GSR: variants seen among roughly 807,000 people sequenced by gnomAD.
GSR encodes the protein glutathione-disulfide reductase.
A neutral mutation model predicts 56.5 loss-of-function variants in GSR; 48 were observed. The ratio of observed to expected loss-of-function variants is 0.85; its 90% CI spans 0.67 to 1.08. The LOEUF (loss-of-function observed/expected upper bound fraction) is 1.08. Among genes scored for constraint, GSR ranks in the 50% least tolerant of loss-of-function variants. The probability of loss-of-function intolerance (pLI) is 0.00; values close to 1 mark genes in which losing one functional copy is unlikely to be tolerated. For missense variants in GSR, 694 were observed against 703.3 expected, an observed-to-expected ratio of 0.99 and a Z score of 0.15; for synonymous variants, 264 against 270.8, an observed-to-expected ratio of 0.97 and a Z score of 0.25.
In GSR at chr8:30,678,709, C is replaced by T. The variant is rs1294342198; in HGVS notation, c.*811G>A. On this transcript the variant is annotated 3_prime_UTR_variant, in exon 13 of 13. Coordinates refer to ENST00000221130, the MANE Select transcript of GSR (RefSeq NM_000637.5). ...AAAAGAAAAAAGAAAATAAGGCAGG[C>T]CGGCTTCTCACATTACATGCTTTTA... 33 of 152,070 alleles carry T rather than the reference C, an allele frequency of 2.2e-4. No individual in the cohort carries two copies. Among genetic ancestry groups the T allele is most frequent in the Admixed American group, 2.2e-3 (33 of 15,232 alleles). 9.4% of individuals were successfully genotyped at this position (152,070 alleles called of 1,614,324 possible).
intron 1 of GSR, among the ~76,000 whole-genome samples, chr8:30,719,926 T>G (rs1804471248): frequency 6.6e-6 from 1 of 152,146 alleles, no homozygotes; most frequent in Admixed American, 6.6e-5. Flanking sequence ...AATAGTGAAC[T>G]TGCGGCTGGG....
At chr8:30,689,015 T>C in intron 9 of GSR, 146 bp downstream of exon 9, 1 of 693,566 alleles carries the variant, frequency 1.4e-6, no homozygotes, top group Non-Finnish European at 2.6e-6. Context: ...GAAGAAGCAA[T>C]GAAATTTGAT....
intron 6 of GSR, among the ~76,000 whole-genome samples, chr8:30,696,724 G>A: frequency 6.6e-6 from 1 of 151,936 alleles, no homozygotes; most frequent in Non-Finnish European, 1.5e-5. Flanking sequence ...TTTTGAGACA[G>A]GGTCTCTGTC....
At chr8:30,714,927 G>A (rs972427573) in intron 1 of GSR, among the ~76,000 whole-genome samples, 1 of 152,096 alleles carries the variant, frequency 6.6e-6, no homozygotes, top group Non-Finnish European at 1.5e-5. Flanking sequence ...CACTATTCCT[G>A]CCAGCACTGC....
At chr8:30,725,470 G>A (rs1411194196) in intron 1 of GSR, among the ~76,000 whole-genome samples, 1 of 151,922 alleles carries the variant, frequency 6.6e-6, no homozygotes, top group Non-Finnish European at 1.5e-5. Flanking sequence ...CGAGGCAGGA[G>A]AGTTGCTTGA....
intron 1 of GSR, among the ~76,000 whole-genome samples, chr8:30,725,661 T>TA (rs2128750092): frequency 6.6e-6 from 1 of 151,918 alleles, no homozygotes; most frequent in East Asian, 1.9e-4. Flanking sequence ...GTGGGTGGAT[T>TA]ACCAGAGGTC....
intron 6 of GSR, among the ~76,000 whole-genome samples, chr8:30,697,187 G>C (rs961443889): frequency 2.0e-5 from 3 of 152,074 alleles, no homozygotes; most frequent in East Asian, 3.9e-4. Flanking sequence ...AGGCTGAGGT[G>C]GGTGGATCAC....
At chr8:30,708,547 T>C (rs1486244196) in intron 3 of GSR, among the ~76,000 whole-genome samples, 1 of 152,126 alleles carries the variant, frequency 6.6e-6, no homozygotes, top group African/African-American at 2.4e-5. Flanking sequence ...AACACAAAAC[T>C]ACCATACGAT....
rs2128743440 is a variant in GSR, at chr8:30,700,255, GT to G, written c.641-121del. ...GCCAACATAGTCTCCGTTTTGACAA[GT>G]TTTGTTAAAGTCTCTGCTTGGAAAG... On this transcript the variant is annotated intron_variant, in intron 5 of 12. Transcript: ENST00000221130. 5.1e-6 allele frequency: 4 copies of G among 782,378 alleles called. No homozygotes were observed. In the Admixed American group the frequency reaches 7.7e-5, roughly 15 times the overall value. 48.5% of individuals were successfully genotyped at this position (782,378 alleles called of 1,614,324 possible).
chr8:30,679,811 T>C, intron 12 of GSR, 142 bp from the exon 13 acceptor site: 1 of 729,432 alleles, frequency 1.4e-6, no homozygotes, highest in Non-Finnish European at 2.3e-6. Flanking sequence ...GTTCAAGTGA[T>C]TCTCCTGCCT....
intron 1 of GSR, among the ~76,000 whole-genome samples, chr8:30,721,294 T>A (rs1356332515): frequency 1.3e-5 from 2 of 152,218 alleles, no homozygotes; most frequent in African/African-American, 4.8e-5. Context: ...GCAGTAATAT[T>A]TAATGTTGCA....
At chr8:30,699,238 C>T (rs1271949070) in intron 6 of GSR, among the ~76,000 whole-genome samples, 1 of 151,962 alleles carries the variant, frequency 6.6e-6, no homozygotes, top group African/African-American at 2.4e-5. Flanking sequence ...CTACCACAAG[C>T]CATGATGGCA....
At position 30,727,672 on chromosome 8, in the gene GSR, G is replaced by T. The variant is rs1254352177; in HGVS notation, c.164C>A (p.Pro55Gln). The T allele has an allele frequency of 5.5e-6, 8 of 1,444,102 alleles. No homozygotes were observed. In the East Asian group the frequency reaches 2.3e-4, roughly 42 times the overall value. 89.5% of individuals were successfully genotyped at this position (1,444,102 alleles called of 1,614,324 possible). Residue 55 changes from proline to glutamine, a missense_variant, in exon 1 of 13, where the codon CCG becomes CAG. Coordinates refer to ENST00000221130, the MANE Select transcript of GSR (RefSeq NM_000637.5). ...GGCCACGGCGCCAGCAGCGGGCGGC[G>T]GGCCCTGCGGCTGCGGCTCCTGCCT... The part of the protein sequence containing the change: ...ACRQEPQPQG[P>Q]PPAAGAVASY...
At chr8:30,702,954 A>G in intron 5 of GSR, 139 bp downstream of exon 5, 1 of 859,500 alleles carries the variant, frequency 1.2e-6, no homozygotes, top group Non-Finnish European at 1.9e-6. Flanking sequence ...AACTGGAGTT[A>G]GGTTCTGCAG....
intron 7 of GSR, among the ~76,000 whole-genome samples, chr8:30,694,196 C>T (rs1214858000): frequency 1.3e-5 from 2 of 152,176 alleles, no homozygotes; most frequent in Admixed American, 6.6e-5. Context: ...CTAGGATTCT[C>T]AGAATCCCTG....
intron 10 of GSR, 101 bp downstream of exon 10, chr8:30,683,987 C>A: frequency 1.3e-6 from 1 of 780,608 alleles, no homozygotes; most frequent in Non-Finnish European, 2.4e-6. Flanking sequence ...GACACTCATC[C>A]TTTTAACTTT....
intron 7 of GSR, among the ~76,000 whole-genome samples, chr8:30,694,424 C>G (rs1376824515): frequency 6.6e-6 from 1 of 152,238 alleles, no homozygotes; most frequent in Admixed American, 6.5e-5. Flanking sequence ...ATTCTCCTAC[C>G]TCAGCCTCCC....
At position 30,712,063 on chromosome 8, in the gene GSR, T is replaced by G; in HGVS notation, c.332A>C (p.Lys111Thr). The change falls in exon 2 of 13, where the codon AAG (lysine) becomes ACG (threonine). Residue 111 changes from lysine to threonine, a missense_variant and splice_region_variant. Coordinates refer to ENST00000221130, the MANE Select transcript of GSR (RefSeq NM_000637.5). ...GGGAAAGAGAAATAAAAATTCTACC[T>G]TTTTGGGTACACATCCAACATTCAC... Reference protein sequence around the residue: ...TCVNVGCVPKKVMWNTAVHSE... With the variant: ...TCVNVGCVPKTVMWNTAVHSE... The G allele has an allele frequency of 1.4e-6, 2 of 1,410,288 alleles. No individual in the cohort carries two copies. The highest frequency in any genetic ancestry group is 2.0e-6 in the Non-Finnish European group (2 of 1,000,052). The allele number at this position is 1,410,288 out of a possible 1,614,324, so 87.4% of individuals were successfully genotyped here. A position where few individuals can be genotyped will look rare whatever the true frequency, so the allele number is the denominator to read the frequency against.
At chr8:30,701,790 C>G (rs1024877235) in intron 5 of GSR, among the ~76,000 whole-genome samples, 2 of 58,686 alleles carry the variant, frequency 3.4e-5, no homozygotes, top group African/African-American at 6.1e-5. Flanking sequence ...AAGAATCTGT[C>G]TCACAAAAAA....
Sources: gnomAD v4.1 joint callset for allele counts (sites outside exome capture counted in the v4.1 genomes callset) on GRCh38, gnomAD v4.1.1 for gene constraint, MANE v1.5 for transcripts, NCBI Gene and HGNC (gene_info 2026-07-23, HGNC 2026-07-21) for gene names.